Variants in NADK2 observed in about 807,000 individuals in gnomAD.
NADK2 encodes NAD kinase 2, mitochondrial.
In NADK2, 35 loss-of-function variants were observed where a neutral mutation model predicts 62.1. The observed-to-expected ratio is 0.56, with a 90% confidence interval of 0.43 to 0.75. The LOEUF is 0.75. NADK2 is among the 30% of genes least tolerant of loss of function. The pLI, the probability that NADK2 is intolerant of heterozygous loss-of-function variation, is 0.00. For synonymous variants in NADK2, 205 were observed against 207.9 expected (o/e 0.99, Z 0.12); for missense variants, 439 against 561.3 (o/e 0.78, Z 2.20).
At chr5:36,228,466 A>G (rs537448857) in intron 1 of NADK2, among the ~76,000 whole-genome samples, 1 of 151,512 alleles carries the variant, frequency 6.6e-6, no homozygotes, top group East Asian at 1.9e-4. Context: ...CTGTCTTGCT[A>G]TGTTGCTCAG....
At chr5:36,217,981 C>A in intron 5 of NADK2, 97 bp from the exon 6 acceptor site, 1 of 1,116,668 alleles carries the variant, frequency 9.0e-7, no homozygotes, top group Non-Finnish European at 1.3e-6. Flanking sequence ...TTAATAAAAA[C>A]TAGTTACCAG....
chr5:36,227,373 A>G lies in NADK2; in HGVS notation c.389+104T>C, dbSNP rs1019888853. On this transcript the variant is annotated intron_variant, in intron 2 of 11. Coordinates refer to ENST00000381937, the MANE Select transcript of NADK2 (RefSeq NM_001085411.3). ...ATAATTTTCTGAAAATGATTTTATA[A>G]TAACAATCATCACTAAAAATCTAAG... is the stretch of plus-strand genomic sequence containing the variant. 35 of 462,302 alleles carry G rather than the reference A, an allele frequency of 7.6e-5. 1 individual carries two copies. In the Admixed American group the frequency reaches 1.3e-3, roughly 17 times the overall value. 28.6% of individuals were successfully genotyped at this position (462,302 alleles called of 1,614,324 possible). A position where few individuals can be genotyped will look rare whatever the true frequency, so the allele number is the denominator to read the frequency against.
intron 9 of NADK2, 131 bp from the exon 10 acceptor site, chr5:36,200,411 T>C: frequency 2.6e-6 from 1 of 386,818 alleles, no homozygotes. Context: ...TTATGTAACA[T>C]AATAGCTAAT....
chr5:36,224,064 A>G (rs867215872), intron 4 of NADK2, among the ~76,000 whole-genome samples: 6 of 152,256 alleles, frequency 3.9e-5, no homozygotes, highest in Middle Eastern at 3.4e-3. Flanking sequence ...AGTGAATGCA[A>G]AAGTTGAACT....
At chr5:36,239,230 T>C (rs1366770359) in intron 1 of NADK2, among the ~76,000 whole-genome samples, 1 of 152,224 alleles carries the variant, frequency 6.6e-6, no homozygotes, top group East Asian at 1.9e-4. Flanking sequence ...AAATAATACT[T>C]ATCATCTTAT....
Position 36,241,786 on chromosome 5 carries a change from G to C in NADK2, c.13C>G (p.Arg5Gly), listed in dbSNP as rs2112225902. 7.5e-7 allele frequency: 1 copy of C among 1,339,290 alleles called. No homozygotes were observed. The highest frequency in any genetic ancestry group is 3.4e-5 in the East Asian group (1 of 29,432). The allele number at this position is 1,339,290 out of a possible 1,614,324, so 83.0% of individuals were successfully genotyped here. Residue 5 changes from arginine to glycine, a missense_variant, in exon 1 of 12, where the codon CGA becomes GGA. By Grantham distance (125) the Arg-to-Gly change is moderately radical. Transcript: ENST00000381937. The surrounding 1 kb of genome is among the most constrained non-coding windows in gnomAD (Gnocchi z 4.9). MTCY[R>G]GFLLGSCCRV... ...CAACAGCTGCCCAGCAAGAAGCCTC[G>C]GTAGCAAGTCATCGTGGGCCGGGCC...
chr5:36,207,648 T>G (rs1193302527), intron 7 of NADK2, among the ~76,000 whole-genome samples: 1 of 152,130 alleles, frequency 6.6e-6, no homozygotes, highest in Non-Finnish European at 1.5e-5. Flanking sequence ...TCATTCTTGG[T>G]AGCTAGTCCT....
At chr5:36,240,200 T>C (rs867380892) in intron 1 of NADK2, among the ~76,000 whole-genome samples, 12 of 152,212 alleles carry the variant, frequency 7.9e-5, no homozygotes, top group Admixed American at 7.9e-4. Flanking sequence ...CTTTATTCTT[T>C]AAATGATGCA....
At chr5:36,215,050 G>C (rs1316889577) in intron 6 of NADK2, among the ~76,000 whole-genome samples, 1 of 152,080 alleles carries the variant, frequency 6.6e-6, no homozygotes, top group African/African-American at 2.4e-5. Flanking sequence ...TTTTATATGA[G>C]GGATGTGAAC....
intron 8 of NADK2, among the ~76,000 whole-genome samples, chr5:36,206,800 C>T (rs984613846): frequency 6.6e-6 from 1 of 152,078 alleles, no homozygotes; most frequent in East Asian, 1.9e-4. Context: ...AGGGATGCAC[C>T]AGGTTATCTC....
intron 1 of NADK2, among the ~76,000 whole-genome samples, chr5:36,235,976 G>A (rs981481528): frequency 4.1e-4 from 62 of 151,508 alleles, no homozygotes; most frequent in African/African-American, 1.5e-3. Flanking sequence ...ATATATTTCC[G>A]TTGTACATTA....
intron 4 of NADK2, among the ~76,000 whole-genome samples, chr5:36,223,174 C>T (rs1238560908): frequency 6.6e-6 from 1 of 151,660 alleles, no homozygotes; most frequent in Non-Finnish European, 1.5e-5. Context: ...GTTTGTCACC[C>T]TATTCATAGT....
chr5:36,240,959 G>C lies in NADK2; in HGVS notation c.300+540C>G, dbSNP rs1445740216. 2.0e-5 allele frequency among the ~76,000 whole-genome samples: 3 copies of C among 152,166 alleles called. No individual in the cohort carries two copies. In the East Asian group the frequency reaches 5.8e-4, roughly 29 times the overall value. On this transcript the variant is annotated intron_variant, in intron 1 of 11. Coordinates refer to ENST00000381937, the MANE Select transcript of NADK2 (RefSeq NM_001085411.3). Reference sequence around the variant, plus strand: ...AAAGGCTCACGCTGAAGGACTTTCCGGAGTGCCCTAGGCCTCGCAGTCCTG... The same window carrying C: ...AAAGGCTCACGCTGAAGGACTTTCCCGAGTGCCCTAGGCCTCGCAGTCCTG...
At chr5:36,230,837 C>A (rs545311983) in intron 1 of NADK2, among the ~76,000 whole-genome samples, 1 of 152,318 alleles carries the variant, frequency 6.6e-6, no homozygotes, top group Admixed American at 6.5e-5. Context: ...CTACTGTGTT[C>A]ATTTAACTAC....
At chr5:36,212,200 C>T (rs528739252) in intron 6 of NADK2, 1 of 223,148 alleles carries the variant, frequency 4.5e-6, no homozygotes, top group African/African-American at 2.3e-5. Flanking sequence ...TATATTTATC[C>T]ATCTCAAAAG....
rs763100364 is a variant in NADK2 at position 36,200,232 on chromosome 5, T to C, written c.1061A>G (p.Glu354Gly). The change falls in exon 10 of 12, where the codon GAG becomes GGG. Residue 354 changes from glutamate to glycine, a missense_variant. Physicochemically the swap from Glu to Gly is moderately conservative, Grantham distance 98. Transcript: ENST00000381937. ...TATTATCATTTGTCACTGACCTTTC[T>C]CTACCAATTCTCTGTTCAATGGAAG... ...LSLPLNRELV[E>G]KVTNEYNESL... The C allele has an allele frequency of 6.3e-7, 1 of 1,580,466 alleles. No individual in the cohort carries two copies. Among genetic ancestry groups the C allele is most frequent in the South Asian group, 1.2e-5 (1 of 85,332 alleles).
rs1470471006 is a variant in NADK2, at chr5:36,208,671, C to T, written c.861-1406G>A. The stretch of plus-strand genomic sequence containing the variant: ...CTTCTTCTTAAATTGTCCACTGCTA[C>T]AGCCCAAGAATAAGACATTCTAGGT... On this transcript the variant is annotated intron_variant, in intron 7 of 11. Transcript: ENST00000381937. 2.6e-6 allele frequency: 4 copies of T among 1,532,992 alleles called. No individual in the cohort carries two copies. In the African/African-American group the frequency reaches 4.1e-5, roughly 16 times the overall value. The allele number at this position is 1,532,992 out of a possible 1,614,324, so 95.0% of individuals were successfully genotyped here. A position where few individuals can be genotyped will look rare whatever the true frequency, so the allele number is the denominator to read the frequency against.
intron 1 of NADK2, among the ~76,000 whole-genome samples, chr5:36,229,448 A>G (rs1747622897): frequency 6.6e-6 from 1 of 152,162 alleles, no homozygotes; most frequent in Non-Finnish European, 1.5e-5. Context: ...ACAAATCAAC[A>G]TGAGTCAGTA....
intron 1 of NADK2, among the ~76,000 whole-genome samples, chr5:36,235,908 A>ATAT (rs1561077733): frequency 2.2e-3 from 4 of 1,854 alleles, no homozygotes; most frequent in African/African-American, 4.7e-3. Flanking sequence ...TATATATATA[A>ATAT]AAAATAAATT....
Sources: allele counts gnomAD v4.1 joint callset (sites outside exome capture counted in the v4.1 genomes callset), GRCh38; gene constraint gnomAD v4.1.1; non-coding constraint Gnocchi (gnomAD v3.1); transcripts MANE v1.5; gene names NCBI Gene and HGNC (gene_info 2026-07-23, HGNC 2026-07-21).